Variants in ST7 observed in about 807,000 individuals in gnomAD.
The protein encoded by ST7 is suppressor of tumorigenicity 7 protein.
A neutral mutation model predicts 78.7 loss-of-function variants in ST7; 28 were observed. The ratio of observed to expected loss-of-function variants is 0.36; its 90% CI spans 0.26 to 0.49. The LOEUF is 0.49. Ranked by LOEUF, ST7 falls within the 20% of genes least tolerant of loss-of-function variation. The probability of loss-of-function intolerance (pLI) is 0.99; values close to 1 mark genes in which losing one functional copy is unlikely to be tolerated. For missense variants in ST7, 418 were observed against 696.0 expected, an observed-to-expected ratio of 0.60 and a Z score of 4.49; for synonymous variants, 247 against 249.6, an observed-to-expected ratio of 0.99 and a Z score of 0.10.
At chr7:117,189,625 TGCTTCTGA>T (rs1282103028) in intron 11 of ST7, among the ~76,000 whole-genome samples, 1 of 152,222 alleles carries the variant, frequency 6.6e-6, no homozygotes, top group Non-Finnish European at 1.5e-5. Flanking sequence ...TGAAATTCCA[TGCTTCTGA>T]GATGAGTTTT....
In ST7 at chr7:116,998,372, A is replaced by T. The variant is rs550333347; in HGVS notation, c.151+44681A>T. Among the ~76,000 whole-genome samples, 417 of 151,988 alleles carry T rather than the reference A, an allele frequency of 2.7e-3. 3 individuals are homozygous for T. Among genetic ancestry groups the T allele is most frequent in the African/African-American group, 9.4e-3 (389 of 41,468 alleles). On this transcript the variant is annotated intron_variant, in intron 1 of 15. Transcript: ENST00000323984. ...GTGTGCAGCCCTGGTTCCTGCCTGC[A>T]CCTCTCCCTCCACACCTCCCCGCAA...
chr7:117,203,019 A>G (rs1404309254), intron 12 of ST7, among the ~76,000 whole-genome samples: 2 of 152,316 alleles, frequency 1.3e-5, no homozygotes, highest in South Asian at 2.1e-4. Context: ...CAGGTTTCCC[A>G]TCCCATGAAT....
At chr7:116,977,369 A>G (rs548857739) in intron 1 of ST7, among the ~76,000 whole-genome samples, 55 of 152,262 alleles carry the variant, frequency 3.6e-4, no homozygotes, top group African/African-American at 1.3e-3. Context: ...CTCTGGGAAG[A>G]ATGCTTCCTG....
chr7:117,005,278 G>A (rs779817283), intron 1 of ST7, among the ~76,000 whole-genome samples: 31 of 151,968 alleles, frequency 2.0e-4, no homozygotes, highest in South Asian at 8.3e-4. Flanking sequence ...TGACTTGTGA[G>A]AACAAATTTT....
chr7:117,204,089 G>A (rs532858014), intron 12 of ST7, among the ~76,000 whole-genome samples: 23 of 152,234 alleles, frequency 1.5e-4, no homozygotes, highest in African/African-American at 2.6e-4. Context: ...CATATCGGTC[G>A]GTTAATGACC....
intron 9 of ST7, among the ~76,000 whole-genome samples, chr7:117,163,177 GTT>G (rs1295908032): frequency 6.6e-6 from 1 of 152,132 alleles, no homozygotes; most frequent in Non-Finnish European, 1.5e-5. Context: ...CCATTCATCT[GTT>G]GTTGGACACC....
chr7:116,991,134 G>A (rs763804549), intron 1 of ST7, among the ~76,000 whole-genome samples: 1 of 152,178 alleles, frequency 6.6e-6, no homozygotes, highest in Non-Finnish European at 1.5e-5. Context: ...TACTTTTGAT[G>A]TATATTTGGG....
At chr7:117,186,927 G>C (rs1403110909) in intron 10 of ST7, among the ~76,000 whole-genome samples, 1 of 152,218 alleles carries the variant, frequency 6.6e-6, no homozygotes, top group African/African-American at 2.4e-5. Flanking sequence ...TAAAGTCTTA[G>C]AAGTGGAATT....
At chr7:117,229,456 A>G (rs755838461) in intron 15 of ST7, among the ~76,000 whole-genome samples, 6 of 152,246 alleles carry the variant, frequency 3.9e-5, no homozygotes, top group Non-Finnish European at 8.8e-5. Context: ...GACACCAGTC[A>G]TCTGCATGGC....
chr7:116,972,006 GT>G (rs1231175463), intron 1 of ST7, among the ~76,000 whole-genome samples: 1 of 152,194 alleles, frequency 6.6e-6, no homozygotes, highest in African/African-American at 2.4e-5. Flanking sequence ...GGCAGAGACA[GT>G]TTGGGGAAAA....
chr7:117,057,613 T>C (rs960761425), intron 1 of ST7, among the ~76,000 whole-genome samples: 4 of 152,182 alleles, frequency 2.6e-5, no homozygotes, highest in Non-Finnish European at 4.4e-5. Context: ...AATTGCCCAA[T>C]TGAAGATGTC....
chr7:117,047,442 A>C (rs1797547427), intron 1 of ST7, among the ~76,000 whole-genome samples: 1 of 152,182 alleles, frequency 6.6e-6, no homozygotes, highest in Admixed American at 6.5e-5. Flanking sequence ...CCTGCCCAGA[A>C]TCTGTCTGGA....
At chr7:117,199,848 T>G (rs778838519) in intron 12 of ST7, among the ~76,000 whole-genome samples, 15 of 152,208 alleles carry the variant, frequency 9.9e-5, no homozygotes, top group Non-Finnish European at 2.1e-4. Context: ...ATAGCCCAGG[T>G]GCTCTGTTAA....
chr7:116,984,955 A>G (rs1350722818), intron 1 of ST7, among the ~76,000 whole-genome samples: 1 of 152,228 alleles, frequency 6.6e-6, no homozygotes, highest in African/African-American at 2.4e-5. Flanking sequence ...GGATTTTGGC[A>G]GGTAATTTAG....
In ST7 at chr7:117,069,720, G is replaced by A. The variant is rs372468881; in HGVS notation, c.152-30042G>A. ...ATGAACCCACCAGGTGCATGTAGAA[G>A]CACAGTTTGGTTTATGGGTTACCAG... On this transcript the variant is annotated intron_variant, in intron 1 of 15. Transcript: ENST00000323984. 1.3e-4 allele frequency among the ~76,000 whole-genome samples: 20 copies of A among 152,320 alleles called. No individual in the cohort carries two copies. The East Asian group carries it at 2.1e-3, about 16-fold the overall frequency.
chr7:117,069,412 T>G (rs1226720779), intron 1 of ST7, among the ~76,000 whole-genome samples: 1 of 152,216 alleles, frequency 6.6e-6, no homozygotes, highest in Non-Finnish European at 1.5e-5. Context: ...TAACTTAAGT[T>G]TTCTGGATGT....
chr7:117,133,041 T>C (rs1763807590), intron 6 of ST7, among the ~76,000 whole-genome samples: 1 of 151,940 alleles, frequency 6.6e-6, no homozygotes, highest in Non-Finnish European at 1.5e-5. Flanking sequence ...GTAAATCTAT[T>C]ACAGTAAATT....
At chr7:117,032,553 A>T (rs1411746698) in intron 1 of ST7, among the ~76,000 whole-genome samples, 1 of 152,184 alleles carries the variant, frequency 6.6e-6, no homozygotes, top group Non-Finnish European at 1.5e-5. Flanking sequence ...ATTCAGGATG[A>T]CATTTGTCAC....
intron 10 of ST7, among the ~76,000 whole-genome samples, 155 bp downstream of exon 10, chr7:117,171,131 T>C (rs868082962): frequency 6.6e-6 from 1 of 152,176 alleles, no homozygotes; most frequent in African/African-American, 2.4e-5. Context: ...TTTGGTATGA[T>C]CTTAGAATTT....
Sources: allele counts gnomAD v4.1 joint callset (sites outside exome capture counted in the v4.1 genomes callset), GRCh38; gene constraint gnomAD v4.1.1; transcripts MANE v1.5; gene names NCBI Gene and HGNC (gene_info 2026-07-23, HGNC 2026-07-21).